The following SVEP1 variants were observed in gnomAD, a reference collection of about 807,000 sequenced individuals.
The protein encoded by SVEP1 is sushi, von Willebrand factor type A, EGF and pentraxin domain-containing protein 1.
Under a neutral mutation model 367.3 loss-of-function variants are expected in SVEP1, and 164 were observed. That is an observed-to-expected ratio of 0.45 (90% CI 0.39 to 0.51). The LOEUF is 0.51. Ranked by LOEUF, SVEP1 falls within the 20% of genes least tolerant of loss-of-function variation. SVEP1 has a pLI of 0.00. For synonymous variants in SVEP1, 1,666 were observed against 1,611.6 expected (o/e 1.03, Z -0.81); for missense variants, 4,117 against 4,425.3 (o/e 0.93, Z 1.98).
intron 8 of SVEP1, among the ~76,000 whole-genome samples, chr9:110,496,415 C>T (rs1176759845): frequency 2.0e-5 from 3 of 152,214 alleles, no homozygotes; most frequent in South Asian, 4.1e-4. Context: ...ATCTTTCTCC[C>T]GTGCTGGCTG....
intron 6 of SVEP1, among the ~76,000 whole-genome samples, chr9:110,500,338 C>T (rs1829513506): frequency 6.6e-6 from 1 of 152,184 alleles, no homozygotes; most frequent in African/African-American, 2.4e-5. Flanking sequence ...TTATTTACAG[C>T]TGGGCCTATA....
At chr9:110,460,755 A>T (rs2118641822) in intron 18 of SVEP1, among the ~76,000 whole-genome samples, 1 of 152,260 alleles carries the variant, frequency 6.6e-6, no homozygotes, top group Middle Eastern at 3.4e-3. Context: ...TCCGTCTCAA[A>T]AGAAAAAAAA....
At chr9:110,522,943 T>C (rs186323637) in intron 3 of SVEP1, among the ~76,000 whole-genome samples, 10 of 152,354 alleles carry the variant, frequency 6.6e-5, no homozygotes. Flanking sequence ...GGTTGCCTTT[T>C]CTACTTTGCT....
In SVEP1 at chr9:110,439,187, G is replaced by A. The variant is rs117289608; in HGVS notation, c.4640-2683C>T. 1.4e-4 allele frequency among the ~76,000 whole-genome samples: 21 copies of A among 152,176 alleles called. 1 individual carries two copies. In the East Asian group the frequency reaches 4.1e-3, roughly 29 times the overall value. The stretch of plus-strand genomic sequence containing the variant: ...TGATTGGATTTAGATGAGTTCATGA[G>A]GGTAGGGCCCACGTGATGGGACAAA... On this transcript the variant is annotated intron_variant, in intron 27 of 47. Coordinates refer to ENST00000374469, the MANE Select transcript of SVEP1 (RefSeq NM_153366.4).
chr9:110,503,253 TA>T (rs1330466639), intron 5 of SVEP1, 36 bp from the exon 6 acceptor site: 1 of 1,566,478 alleles, frequency 6.4e-7, no homozygotes, highest in South Asian at 1.2e-5. Context: ...CACATTTTGC[TA>T]AATAAGGATA....
At chr9:110,516,591 A>T (rs1444827909) in intron 3 of SVEP1, among the ~76,000 whole-genome samples, 1 of 152,182 alleles carries the variant, frequency 6.6e-6, no homozygotes, top group Non-Finnish European at 1.5e-5. Context: ...TCTGATCAGG[A>T]TCCTCAAAGA....
chr9:110,426,676 A>T (rs1482763757), intron 36 of SVEP1, among the ~76,000 whole-genome samples: 1 of 152,240 alleles, frequency 6.6e-6, no homozygotes, highest in Non-Finnish European at 1.5e-5. Context: ...TGAAACTCAG[A>T]TGACCTGAGA....
chr9:110,434,865 G>A (rs954105043), intron 29 of SVEP1, among the ~76,000 whole-genome samples: 5 of 150,952 alleles, frequency 3.3e-5, no homozygotes, highest in African/African-American at 7.3e-5. Flanking sequence ...AACATCCATC[G>A]CTTTTCTCCC....
chr9:110,375,814 A>AAATT (rs1827343000), intron 45 of SVEP1, among the ~76,000 whole-genome samples: 1 of 152,376 alleles, frequency 6.6e-6, no homozygotes, highest in African/African-American at 2.4e-5. Context: ...TTTCCATTAC[A>AAATT]AATTACATAA....
rs775201238 is a variant in SVEP1 at position 110,400,954 on chromosome 9, C to T, written c.9722G>A (p.Cys3241Tyr). The change falls in exon 40 of 48, where the codon TGT (cysteine) becomes TAT (tyrosine). Residue 3241 changes from cysteine to tyrosine, a missense_variant. Cys to Tyr is a radical substitution (Grantham distance 194). This residue lies in a region of SVEP1 where 1,765 missense variants were observed against 1,781.1 expected (regional missense o/e 0.99). Transcript: ENST00000374469. ...FSDESCSPVS[C>Y]GKPESPEHGF... ...ATGTTCTGGACTTTCAGGTTTCCCA[C>T]AAGAAACTGGACTGCAAGATTCATC... 2 of 1,613,936 alleles carry T rather than the reference C, an allele frequency of 1.2e-6. No homozygotes were observed. Among genetic ancestry groups the T allele is most frequent in the Non-Finnish European group, 1.7e-6 (2 of 1,179,856 alleles).
intron 7 of SVEP1, among the ~76,000 whole-genome samples, chr9:110,497,390 G>A (rs1829467039): frequency 6.6e-6 from 1 of 152,082 alleles, no homozygotes; most frequent in Non-Finnish European, 1.5e-5. Context: ...AGTTCCCATA[G>A]CCCTCTGGAT....
chr9:110,490,398 C>A (rs1829350084), intron 8 of SVEP1, among the ~76,000 whole-genome samples: 1 of 152,068 alleles, frequency 6.6e-6, no homozygotes, highest in African/African-American at 2.4e-5. Flanking sequence ...ACTATGGTCA[C>A]CCTACTGATC....
At chr9:110,545,781 G>A (rs2118842428) in intron 3 of SVEP1, among the ~76,000 whole-genome samples, 1 of 152,250 alleles carries the variant, frequency 6.6e-6, no homozygotes, top group East Asian at 1.9e-4. Context: ...TTGGAACCCT[G>A]CCGTCCCCAC....
intron 45 of SVEP1, 72 bp downstream of exon 45, chr9:110,377,199 G>T: frequency 2.9e-6 from 4 of 1,397,282 alleles, no homozygotes; most frequent in Non-Finnish European, 4.0e-6. Flanking sequence ...ACCATTTCCT[G>T]GTAACTCCCC....
intron 43 of SVEP1, 136 bp from the exon 44 acceptor site, chr9:110,379,653 T>C: frequency 3.4e-6 from 3 of 895,360 alleles, no homozygotes; most frequent in Non-Finnish European, 3.3e-6. Context: ...TCTAGAATAG[T>C]AAGAACTAAA....
intron 2 of SVEP1, 103 bp downstream of exon 2, chr9:110,549,746 A>C: frequency 7.0e-7 from 1 of 1,436,314 alleles, no homozygotes; most frequent in Non-Finnish European, 9.4e-7. Flanking sequence ...TTCAGCAAAG[A>C]CCTTGTGAGA....
At chr9:110,489,390 C>A (rs1829332354) in intron 9 of SVEP1, among the ~76,000 whole-genome samples, 1 of 152,116 alleles carries the variant, frequency 6.6e-6, no homozygotes, top group Non-Finnish European at 1.5e-5. Flanking sequence ...GGAGGCCTCA[C>A]AATCACGGCA....
chr9:110,370,930 TA>T (rs1420081757), intron 46 of SVEP1, among the ~76,000 whole-genome samples: 2 of 152,160 alleles, frequency 1.3e-5, no homozygotes, highest in Non-Finnish European at 2.9e-5. Flanking sequence ...TGTACGTATA[TA>T]ATATACATAT....
intron 1 of SVEP1, among the ~76,000 whole-genome samples, chr9:110,552,310 GTGAGCCACCACGCCCTGCCACA>G (rs1397518712): frequency 1.3e-5 from 2 of 151,926 alleles, no homozygotes; most frequent in Admixed American, 6.6e-5. Flanking sequence ...GATTACAGGC[GTGAGCCACCACGCCCTGCCACA>G]TGAGCCACCA....
Sources: allele counts gnomAD v4.1 joint callset (sites outside exome capture counted in the v4.1 genomes callset), GRCh38; gene constraint gnomAD v4.1.1; regional missense constraint gnomAD v4.1.1; transcripts MANE v1.5; gene names NCBI Gene and HGNC (gene_info 2026-07-23, HGNC 2026-07-21).